Variants in NKAIN2 observed in about 807,000 individuals in gnomAD.
The protein encoded by NKAIN2 is sodium/potassium-transporting ATPase subunit beta-1-interacting protein 2.
NKAIN2 carries 14 observed loss-of-function variants against 32.6 expected under a neutral mutation model. The observed-to-expected ratio is 0.43, with a 90% CI of 0.28 to 0.67. NKAIN2 has a LOEUF of 0.67. Ranked by LOEUF, NKAIN2 falls within the 30% of genes least tolerant of loss-of-function variation. NKAIN2 has a pLI of 0.17. For missense variants in NKAIN2, 198 were observed against 258.3 expected, an observed-to-expected ratio of 0.77 and a Z score of 1.60; for synonymous variants, 80 against 87.2, an observed-to-expected ratio of 0.92 and a Z score of 0.46.
intron 3 of NKAIN2, among the ~76,000 whole-genome samples, chr6:124,625,428 G>A (rs563265349): frequency 1.3e-5 from 2 of 152,218 alleles, no homozygotes; most frequent in East Asian, 1.9e-4. Flanking sequence ...ACCAGGGCAG[G>A]ACAATGCGAG....
chr6:124,201,906 C>T (rs1232501523), intron 1 of NKAIN2, among the ~76,000 whole-genome samples: 1 of 151,728 alleles, frequency 6.6e-6, no homozygotes, highest in Non-Finnish European at 1.5e-5. Context: ...TTCTATATAC[C>T]TATTTTCTTT....
intron 3 of NKAIN2, among the ~76,000 whole-genome samples, chr6:124,536,369 C>G (rs541689686): frequency 6.6e-6 from 1 of 152,100 alleles, no homozygotes; most frequent in African/African-American, 2.4e-5. Context: ...CTCCCCAGAA[C>G]CTCTATCTGG....
At chr6:124,070,158 G>A (rs140360375) in intron 1 of NKAIN2, among the ~76,000 whole-genome samples, 1 of 151,942 alleles carries the variant, frequency 6.6e-6, no homozygotes, top group African/African-American at 2.4e-5. Context: ...TGCTATATTC[G>A]CTGCTTTTCT....
At chr6:123,882,219 A>G (rs1385871203) in intron 1 of NKAIN2, among the ~76,000 whole-genome samples, 4 of 152,148 alleles carry the variant, frequency 2.6e-5, no homozygotes, top group African/African-American at 9.6e-5. Context: ...ATGTATATGT[A>G]GTCATAACTT....
chr6:124,449,257 T>C (rs1776008077), intron 3 of NKAIN2, among the ~76,000 whole-genome samples: 1 of 152,116 alleles, frequency 6.6e-6, no homozygotes, highest in Non-Finnish European at 1.5e-5. Context: ...TAGACCTTAA[T>C]CTGACATCAA....
Position 123,898,682 on chromosome 6 carries a change from C to T in NKAIN2, c.54+94428C>T, listed in dbSNP as rs138553624. On this transcript the variant is annotated intron_variant, in intron 1 of 6. Coordinates refer to ENST00000368417, the MANE Select transcript of NKAIN2 (RefSeq NM_001040214.3). ...ATAGTTTATTTAATCTATTAATTTC[C>T]AGCCCTTATTAGGAAGTCATCATCA... Among the ~76,000 whole-genome samples, 681 of 151,916 alleles carry T rather than the reference C, an allele frequency of 4.5e-3. 5 individuals are homozygous for T. Among genetic ancestry groups the T allele is most frequent in the African/African-American group, 0.016 (645 of 41,398 alleles).
At chr6:124,574,900 G>A (rs1583462209) in intron 3 of NKAIN2, among the ~76,000 whole-genome samples, 1 of 152,126 alleles carries the variant, frequency 6.6e-6, no homozygotes, top group East Asian at 1.9e-4. Context: ...CATGTAAGAT[G>A]TACTGGGTTA....
intron 1 of NKAIN2, among the ~76,000 whole-genome samples, chr6:124,195,044 T>G (rs1299675922): frequency 6.6e-6 from 1 of 151,790 alleles, no homozygotes; most frequent in South Asian, 2.1e-4. Flanking sequence ...AAATGCAATT[T>G]TTTTATTTTT....
intron 3 of NKAIN2, among the ~76,000 whole-genome samples, chr6:124,474,562 G>T (rs1254016282): frequency 6.6e-6 from 1 of 151,928 alleles, no homozygotes; most frequent in Non-Finnish European, 1.5e-5. Flanking sequence ...CTTTACATAC[G>T]CATACATACT....
intron 2 of NKAIN2, among the ~76,000 whole-genome samples, chr6:124,298,735 G>A (rs1796167801): frequency 6.6e-6 from 1 of 151,178 alleles, no homozygotes. Flanking sequence ...TGCATGAATT[G>A]GTAATGCTTG....
At chr6:124,707,778 C>T (rs1775179010) in intron 4 of NKAIN2, among the ~76,000 whole-genome samples, 1 of 151,720 alleles carries the variant, frequency 6.6e-6, no homozygotes, top group South Asian at 2.1e-4. Flanking sequence ...AAATTTTCTC[C>T]CATTGTGTAG....
At chr6:124,313,811 T>C (rs1035316401) in intron 2 of NKAIN2, among the ~76,000 whole-genome samples, 2 of 152,160 alleles carry the variant, frequency 1.3e-5, no homozygotes, top group African/African-American at 4.8e-5. Flanking sequence ...AAAATCAATT[T>C]TCAATGCAGA....
At chr6:123,826,339 C>T (rs1774147061) in intron 1 of NKAIN2, among the ~76,000 whole-genome samples, 1 of 152,066 alleles carries the variant, frequency 6.6e-6, no homozygotes, top group Non-Finnish European at 1.5e-5. Context: ...GGAGATTCAG[C>T]TTTTTTAAAT....
intron 1 of NKAIN2, among the ~76,000 whole-genome samples, chr6:123,969,179 T>C (rs112644270): frequency 2.2e-4 from 34 of 152,332 alleles, no homozygotes; most frequent in Admixed American, 7.8e-4. Context: ...TTTTGCTCAC[T>C]TTCCAGTGAG....
At chr6:124,326,596 A>G (rs1014473191) in intron 2 of NKAIN2, among the ~76,000 whole-genome samples, 1 of 152,206 alleles carries the variant, frequency 6.6e-6, no homozygotes, top group Non-Finnish European at 1.5e-5. Context: ...CATTTCCTCT[A>G]CTATTTACTC....
chr6:124,637,499 T>G (rs1783818406), intron 3 of NKAIN2, among the ~76,000 whole-genome samples: 1 of 152,048 alleles, frequency 6.6e-6, no homozygotes, highest in African/African-American at 2.4e-5. Context: ...GAAAATAAAT[T>G]TTTGCATTAT....
chr6:124,108,373 G>A (rs997110063), intron 1 of NKAIN2, among the ~76,000 whole-genome samples: 4 of 152,020 alleles, frequency 2.6e-5, no homozygotes, highest in Non-Finnish European at 5.9e-5. Flanking sequence ...GTGAAATATG[G>A]CAAGAGGTGT....
At chr6:124,039,878 A>G (rs1430662466) in intron 1 of NKAIN2, among the ~76,000 whole-genome samples, 1 of 152,010 alleles carries the variant, frequency 6.6e-6, no homozygotes, top group African/African-American at 2.4e-5. Context: ...AATAATTAAT[A>G]GTGGACATCT....
intron 1 of NKAIN2, among the ~76,000 whole-genome samples, chr6:124,223,757 C>A (rs999820932): frequency 2.0e-5 from 3 of 152,130 alleles, no homozygotes; most frequent in African/African-American, 7.2e-5. Flanking sequence ...TTTAGACATT[C>A]TTCCCTATTG....
Sources: gnomAD v4.1 joint callset for allele counts (sites outside exome capture counted in the v4.1 genomes callset) on GRCh38, gnomAD v4.1.1 for gene constraint, MANE v1.5 for transcripts, NCBI Gene and HGNC (gene_info 2026-07-23, HGNC 2026-07-21) for gene names.